FANCB: variants seen among roughly 807,000 people sequenced by gnomAD.
FANCB encodes the protein FA complementation group B.
A neutral mutation model predicts 38.9 loss-of-function variants in FANCB; 5 were observed. That is an observed-to-expected ratio of 0.13 (90% CI 0.07 to 0.27). The LOEUF (loss-of-function observed/expected upper bound fraction) is 0.27, where lower values mean the gene tolerates loss of function less well. FANCB is among the 10% of genes least tolerant of loss of function. The probability of loss-of-function intolerance (pLI) is 1.00; values close to 1 mark genes in which losing one functional copy is unlikely to be tolerated. For synonymous variants in FANCB, 236 were observed against 215.4 expected, an observed-to-expected ratio of 1.10 and a Z score of -0.84; for missense variants, 573 against 602.7, an observed-to-expected ratio of 0.95 and a Z score of 0.52.
At chrX:14,690,906 G>A in the FANCB span, 1 of 1,160,254 alleles carries the variant, frequency 8.6e-7, no homozygotes, top group Non-Finnish European at 1.2e-6. Flanking sequence ...GAGTTGGTTA[G>A]CTAGGCAATG....
chrX:14,814,238 G>T, the FANCB span, among the ~76,000 whole-genome samples: 1 of 111,475 alleles, frequency 9.0e-6, no homozygotes, highest in Non-Finnish European at 1.9e-5. Context: ...GAAAACCTAG[G>T]CAATACCATT....
At chrX:14,755,959 G>C in the FANCB span, among the ~76,000 whole-genome samples, 8 of 111,810 alleles carry the variant, frequency 7.2e-5, no homozygotes, top group Non-Finnish European at 1.5e-4. Context: ...CAGACATATA[G>C]ACCAATGGAA....
At chrX:14,751,163 T>C in the FANCB span, among the ~76,000 whole-genome samples, 1 of 112,168 alleles carries the variant, frequency 8.9e-6, no homozygotes, top group African/African-American at 3.2e-5. Context: ...AGCCAACAAA[T>C]ACATATATTT....
At chrX:14,731,245 C>A in the FANCB span, 1 of 112,267 alleles carries the variant, frequency 8.9e-6, no homozygotes, top group African/African-American at 3.2e-5. Context: ...AATTTTGAAA[C>A]TTAAATTGTG....
the FANCB span, among the ~76,000 whole-genome samples, chrX:14,734,295 C>T: frequency 8.9e-6 from 1 of 111,922 alleles, no homozygotes. Flanking sequence ...TAAGGGTAAC[C>T]ATTCAGAAGC....
the FANCB span, chrX:14,730,499 AC>A: frequency 3.5e-6 from 4 of 1,145,044 alleles, no homozygotes; most frequent in Non-Finnish European, 3.5e-6. Flanking sequence ...TGCCCTACAG[AC>A]CCTGGGACCT....
At chrX:14,850,999 A>C (rs898883045) in intron 6 of FANCB, among the ~76,000 whole-genome samples, 19 of 111,563 alleles carry the variant, frequency 1.7e-4, no homozygotes, top group Admixed American at 9.5e-5. Flanking sequence ...AGTTATACTG[A>C]AAATAATCCA....
chrX:14,749,494 T>G, the FANCB span, among the ~76,000 whole-genome samples: 3 of 111,554 alleles, frequency 2.7e-5, no homozygotes, highest in Non-Finnish European at 5.6e-5. Flanking sequence ...TCTATACAGA[T>G]GTACACTACA....
the FANCB span, among the ~76,000 whole-genome samples, chrX:14,769,061 C>T: frequency 9.1e-6 from 1 of 110,264 alleles, no homozygotes; most frequent in Admixed American, 9.8e-5. Context: ...CTCAGTTTGC[C>T]AGTGTTTTAT....
chrX:14,857,954 T>C lies in FANCB; in HGVS notation c.1105A>G (p.Ser369Gly), dbSNP rs1422244944. ...TCTTCATTGCAATCTGATGGTTCAC[T>C]CTAATAAATAAATAAATAAATAAAT... ...ITDLGKINYS[S>G]EPSDCNEDDL... The change falls in exon 5 of 10, where the codon AGT becomes GGT. Residue 369 changes from serine (S) to glycine (G), a missense_variant and splice_region_variant. Physicochemically the swap from Ser to Gly is moderately conservative, Grantham distance 56 (BLOSUM62 0). Transcript: ENST00000650831. The C allele has an allele frequency of 4.6e-6, 5 of 1,081,377 alleles. No individual in the cohort carries two copies. Among genetic ancestry groups the C allele is most frequent in the Non-Finnish European group, 6.4e-6 (5 of 780,517 alleles). 89.1% of individuals were successfully genotyped at this position (1,081,377 alleles called of 1,213,427 possible).
chrX:14,856,201 A>C (rs1400430896), intron 5 of FANCB, among the ~76,000 whole-genome samples: 1 of 111,955 alleles, frequency 8.9e-6, no homozygotes, highest in Non-Finnish European at 1.9e-5. Flanking sequence ...CCAATATTGT[A>C]GTTTATAAAT....
At chrX:14,835,022 TAA>T, downstream of FANCB, 1 of 592,259 alleles carries the variant, frequency 1.7e-6, no homozygotes, top group African/African-American at 2.2e-5. Context: ...ACTTCAACTG[TAA>T]GAGCGCTGGT....
the FANCB span, among the ~76,000 whole-genome samples, chrX:14,817,255 T>C: frequency 4.5e-5 from 5 of 111,855 alleles, no homozygotes; most frequent in Non-Finnish European, 7.5e-5. Context: ...TTTCTCACCA[T>C]AAAGCCCCCC....
the FANCB span, among the ~76,000 whole-genome samples, chrX:14,787,727 A>G: frequency 9.3e-6 from 1 of 107,174 alleles, no homozygotes; most frequent in East Asian, 2.9e-4. Flanking sequence ...AAAATAAAAA[A>G]GTTAATTTGT....
At chrX:14,839,402 T>G (rs1454163107), downstream of FANCB, among the ~76,000 whole-genome samples, 2 of 111,713 alleles carry the variant, frequency 1.8e-5, no homozygotes, top group East Asian at 5.6e-4. Context: ...GATATGGCCC[T>G]TACATTTATA....
At chrX:14,710,447 A>G in the FANCB span, among the ~76,000 whole-genome samples, 2 of 111,933 alleles carry the variant, frequency 1.8e-5, no homozygotes, top group Non-Finnish European at 3.8e-5. Flanking sequence ...TACATTCATT[A>G]TTTACATAAT....
intron 10 of FANCB, among the ~76,000 whole-genome samples, chrX:14,838,049 T>G (rs2092345656): frequency 8.9e-6 from 1 of 112,272 alleles, no homozygotes; most frequent in African/African-American, 3.2e-5. Context: ...GAACTGAATG[T>G]ATAACCTTAT....
chrX:14,835,737 C>A (rs975494063), downstream of FANCB, among the ~76,000 whole-genome samples: 2 of 111,645 alleles, frequency 1.8e-5, no homozygotes, highest in Non-Finnish European at 3.8e-5. Context: ...ACCTCACACC[C>A]GTTAGGATGG....
At chrX:14,787,285 A>G in the FANCB span, among the ~76,000 whole-genome samples, 1 of 111,213 alleles carries the variant, frequency 9.0e-6, no homozygotes, top group Admixed American at 9.6e-5. Flanking sequence ...TAAGCCAGGC[A>G]CAGAAAGACA....
Sources: gnomAD v4.1 joint callset for allele counts (sites outside exome capture counted in the v4.1 genomes callset) on GRCh38, gnomAD v4.1.1 for gene constraint, MANE v1.5 for transcripts, NCBI Gene and HGNC (gene_info 2026-07-23, HGNC 2026-07-21) for gene names.